Variants in OPCML observed in about 807,000 individuals in gnomAD.
OPCML encodes opioid-binding protein/cell adhesion molecule.
In OPCML, 13 loss-of-function variants were observed where a neutral mutation model predicts 37.8. The observed-to-expected ratio is 0.34, with a 90% CI of 0.22 to 0.55. OPCML has a LOEUF of 0.55. Among genes scored for constraint, OPCML ranks in the 20% least tolerant of loss-of-function variants. The pLI, the probability that OPCML is intolerant of heterozygous loss-of-function variation, is 0.91. For missense variants in OPCML, 341 were observed against 435.6 expected, an observed-to-expected ratio of 0.78 and a Z score of 1.93; for synonymous variants, 176 against 168.8, an observed-to-expected ratio of 1.04 and a Z score of -0.33.
intron 2 of OPCML, among the ~76,000 whole-genome samples, chr11:132,802,992 A>G (rs1938764475): frequency 6.6e-6 from 1 of 152,216 alleles, no homozygotes; most frequent in African/African-American, 2.4e-5. Flanking sequence ...TCAGATGATC[A>G]TAACTGCTTG....
At chr11:133,094,082 T>C (rs1485976902) in intron 1 of OPCML, among the ~76,000 whole-genome samples, 1 of 152,088 alleles carries the variant, frequency 6.6e-6, no homozygotes, top group African/African-American at 2.4e-5. Context: ...ATTCTACTTA[T>C]CTGGACCTGG....
chr11:133,051,058 T>TATAC (rs1555083177), intron 1 of OPCML, among the ~76,000 whole-genome samples: 28,958 of 148,056 alleles, frequency 0.2, 3,001 homozygotes, highest in Middle Eastern at 0.24. Context: ...TGTGTGTACA[T>TATAC]ACACACACAC....
chr11:132,598,393 C>A (rs1373338035), intron 3 of OPCML, among the ~76,000 whole-genome samples: 1 of 152,032 alleles, frequency 6.6e-6, no homozygotes, highest in Non-Finnish European at 1.5e-5. Context: ...TTTTTTAAGT[C>A]GAGGCATGGG....
At chr11:132,808,443 T>C (rs1591638116) in intron 2 of OPCML, among the ~76,000 whole-genome samples, 1 of 152,310 alleles carries the variant, frequency 6.6e-6, no homozygotes, top group African/African-American at 2.4e-5. Flanking sequence ...TTGATACATC[T>C]AAAATGTTAA....
At chr11:132,544,287 A>G (rs1314505738) in intron 3 of OPCML, among the ~76,000 whole-genome samples, 1 of 152,070 alleles carries the variant, frequency 6.6e-6, no homozygotes, top group African/African-American at 2.4e-5. Flanking sequence ...GGAATAATTC[A>G]CACCGTTTAC....
At chr11:132,865,587 C>T (rs146882429) in intron 2 of OPCML, among the ~76,000 whole-genome samples, 30 of 152,274 alleles carry the variant, frequency 2.0e-4, no homozygotes, top group African/African-American at 5.8e-4. Flanking sequence ...AAAGTAGTGG[C>T]TCAACATTGT....
At chr11:133,204,884 A>ATATGTGTATATATATATATATATGTGTG (rs374646818) in intron 1 of OPCML, among the ~76,000 whole-genome samples, 1 of 36,286 alleles carries the variant, frequency 2.8e-5, no homozygotes, top group Non-Finnish European at 7.5e-5. Flanking sequence ...ATATATATAT[A>ATATGTGTATATATATATATATATGTGTG]TATATATATA....
chr11:133,213,570 T>C (rs939353496), intron 1 of OPCML, among the ~76,000 whole-genome samples: 1 of 152,194 alleles, frequency 6.6e-6, no homozygotes, highest in Admixed American at 6.5e-5. Context: ...AACAGAAGTA[T>C]AAAATTTGAC....
chr11:133,095,546 T>C (rs1415094953), intron 1 of OPCML, among the ~76,000 whole-genome samples: 2 of 148,248 alleles, frequency 1.3e-5, no homozygotes, highest in Non-Finnish European at 3.0e-5. Flanking sequence ...GCAGAAAGCT[T>C]ACCTATTTTA....
intron 1 of OPCML, among the ~76,000 whole-genome samples, chr11:133,002,003 C>T (rs1034101674): frequency 2.0e-5 from 3 of 152,060 alleles, no homozygotes; most frequent in Non-Finnish European, 4.4e-5. Context: ...TTTTGACAAA[C>T]AGAAAGAGAG....
intron 4 of OPCML, among the ~76,000 whole-genome samples, chr11:132,525,535 C>CA (rs565987505): frequency 4.5e-4 from 69 of 151,988 alleles, no homozygotes; most frequent in African/African-American, 1.2e-3. Flanking sequence ...CAAATTTTTC[C>CA]AAAAAAATGC....
chr11:132,787,205 C>A (rs1469944993), intron 2 of OPCML, among the ~76,000 whole-genome samples: 1 of 152,190 alleles, frequency 6.6e-6, no homozygotes, highest in Non-Finnish European at 1.5e-5. Flanking sequence ...CTAGCATCCA[C>A]TGTGTAATAA....
intron 3 of OPCML, among the ~76,000 whole-genome samples, chr11:132,540,262 T>C (rs1375042568): frequency 1.3e-5 from 2 of 152,118 alleles, no homozygotes; most frequent in African/African-American, 4.8e-5. Context: ...GTTTTCTATG[T>C]CTCTCTCACT....
At chr11:133,081,226 T>A (rs75861298) in intron 1 of OPCML, among the ~76,000 whole-genome samples, 2,852 of 152,236 alleles carry the variant, frequency 0.019, 39 homozygotes, top group Non-Finnish European at 0.029. Flanking sequence ...GGTGCTTCCA[T>A]CTGGAGGGTT....
intron 2 of OPCML, among the ~76,000 whole-genome samples, chr11:132,929,600 A>G (rs1419606127): frequency 6.6e-6 from 1 of 152,198 alleles, no homozygotes; most frequent in East Asian, 1.9e-4. Flanking sequence ...TACCAAAACA[A>G]CAACAACAAC....
At position 132,640,256 on chromosome 11, in the gene OPCML, G is replaced by A. The variant is rs1452770239; in HGVS notation, c.379+16831C>T. Among the ~76,000 whole-genome samples, 3 of 152,288 alleles carry A rather than the reference G, an allele frequency of 2.0e-5. No homozygotes were observed. The East Asian group carries it at 5.8e-4, about 29-fold the overall frequency. ...TAACGAAAGGCAATGAGCAGTGTGGGTGGGACTGCAAACATCAGTGCGTGG... is the reference window on the plus strand; with the variant it reads ...TAACGAAAGGCAATGAGCAGTGTGGATGGGACTGCAAACATCAGTGCGTGG... On this transcript the variant is annotated intron_variant, in intron 3 of 7. Transcript: ENST00000524381.
At position 133,521,040 on chromosome 11, in the gene OPCML, CAG is replaced by C. The variant is rs770398664; in HGVS notation, c.61+11222_61+11223del. ...AGTTATCATCACAAGCCGTCCTAGCCAGAGAGAGAGGAAGTCACAGAAAATGG... is the reference window on the plus strand; with the variant it reads ...AGTTATCATCACAAGCCGTCCTAGCCAGAGAGAGGAAGTCACAGAAAATGG... On this transcript the variant is annotated intron_variant, in intron 1 of 7. Coordinates refer to ENST00000524381, the MANE Select transcript of OPCML (RefSeq NM_001012393.5). 8.9e-4 allele frequency among the ~76,000 whole-genome samples: 136 copies of C among 152,230 alleles called. 2 individuals are homozygous for C. Among genetic ancestry groups the C allele is most frequent in the Admixed American group, 1.4e-3 (21 of 15,294 alleles).
intron 1 of OPCML, among the ~76,000 whole-genome samples, chr11:133,348,655 ACTT>A (rs1944056719): frequency 6.6e-6 from 1 of 152,162 alleles, no homozygotes; most frequent in Admixed American, 6.6e-5. Flanking sequence ...CAGGAATAAC[ACTT>A]CTTAGAAAAT....
intron 2 of OPCML, among the ~76,000 whole-genome samples, chr11:132,924,568 C>A (rs1433766015): frequency 6.6e-6 from 1 of 152,094 alleles, no homozygotes; most frequent in African/African-American, 2.4e-5. Flanking sequence ...AATATTTCAC[C>A]CTGCTCTTTT....
Sources: allele counts gnomAD v4.1 joint callset (sites outside exome capture counted in the v4.1 genomes callset), GRCh38; gene constraint gnomAD v4.1.1; transcripts MANE v1.5; gene names NCBI Gene and HGNC (gene_info 2026-07-23, HGNC 2026-07-21).